ZFYVE9: variants seen among roughly 807,000 people sequenced by gnomAD.
ZFYVE9 encodes zinc finger FYVE-type containing 9, also known as zinc finger FYVE domain-containing protein 9.
In ZFYVE9, 43 loss-of-function variants were observed where a neutral mutation model predicts 126.7. The ratio of observed to expected loss-of-function variants is 0.34; its 90% CI spans 0.27 to 0.44. The LOEUF is 0.44. ZFYVE9 is among the 20% of genes least tolerant of loss of function. The pLI, the probability that ZFYVE9 is intolerant of heterozygous loss-of-function variation, is 1.00. For missense variants in ZFYVE9, 1,476 were observed against 1,697.0 expected (o/e 0.87, Z 2.29); for synonymous variants, 521 against 597.4 (o/e 0.87, Z 1.87).
chr1:52,229,035 C>T (rs1572116917), intron 2 of ZFYVE9, among the ~76,000 whole-genome samples: 1 of 151,936 alleles, frequency 6.6e-6, no homozygotes, highest in East Asian at 1.9e-4. Flanking sequence ...ACCACCACAC[C>T]TGGCTAATTT....
In ZFYVE9 at chr1:52,274,474, G is replaced by T. The variant is rs760877361; in HGVS notation, c.2636G>T (p.Cys879Phe). The T allele has an allele frequency of 6.2e-7, 1 of 1,608,438 alleles. No homozygotes were observed. The highest frequency in any genetic ancestry group is 8.5e-7 in the Non-Finnish European group (1 of 1,176,298). ...ATTTGCTTTTCCTAGACGGATATTT[G>T]TCTATTCTCTGGGAGTATAACTCAG... ...TSPLPAETDI[C>F]LFSGSITQVG... Residue 879 changes from cysteine (C) to phenylalanine (F), a missense_variant, in exon 8 of 19, where the codon TGT becomes TTT. By Grantham distance (205) the Cys-to-Phe change is radical. Around this residue, in one of 2 missense-constraint regions of ZFYVE9, gnomAD observed 669 missense variants for 902.4 expected, o/e 0.74. Transcript: ENST00000287727.
Position 52,303,901 on chromosome 1 carries a change from A to C in ZFYVE9, c.3414A>C (p.Lys1138Asn). The C allele has an allele frequency of 6.2e-7, 1 of 1,602,218 alleles. No homozygotes were observed. ...TGGAAGTTCGGAAAACTAGCATCAA[A>C]ATTCCCAGCAACAGATACAATGAGG... ...VDMEVRKTSI[K>N]IPSNRYNEMM... Residue 1138 changes from lysine (K) to asparagine (N), a missense_variant, in exon 13 of 19, where the codon AAA becomes AAC. Lys to Asn is a moderately conservative substitution (Grantham distance 94). Transcript: ENST00000287727.
intron 1 of ZFYVE9, among the ~76,000 whole-genome samples, chr1:52,201,117 A>T (rs1644919082): frequency 6.6e-6 from 1 of 152,208 alleles, no homozygotes; most frequent in Admixed American, 6.5e-5. Flanking sequence ...GTTCGTGAAC[A>T]TGGAATATCT....
chr1:52,329,690 G>A (rs1646322232), intron 13 of ZFYVE9, among the ~76,000 whole-genome samples: 1 of 151,696 alleles, frequency 6.6e-6, no homozygotes, highest in Admixed American at 6.6e-5. Flanking sequence ...CGGATCATGA[G>A]GTCAGGAGAT....
At chr1:52,325,469 G>A (rs1409369382) in intron 13 of ZFYVE9, among the ~76,000 whole-genome samples, 1 of 152,192 alleles carries the variant, frequency 6.6e-6, no homozygotes, top group Non-Finnish European at 1.5e-5. Flanking sequence ...GCAGTGAGCA[G>A]TGATCATGCC....
chr1:52,311,991 G>C (rs533938835), intron 13 of ZFYVE9, among the ~76,000 whole-genome samples: 20 of 150,702 alleles, frequency 1.3e-4, no homozygotes, highest in African/African-American at 4.6e-4. Flanking sequence ...GGGTTTTGCT[G>C]TGTTGGCCAG....
intron 1 of ZFYVE9, among the ~76,000 whole-genome samples, chr1:52,177,148 ATTT>A (rs35941523): frequency 2.3e-5 from 3 of 131,464 alleles, no homozygotes; most frequent in Admixed American, 7.7e-5. Flanking sequence ...CCCCAGCCCG[ATTT>A]TTTTTTTTTT....
At chr1:52,208,770 T>G (rs1428543794) in intron 1 of ZFYVE9, among the ~76,000 whole-genome samples, 1 of 152,186 alleles carries the variant, frequency 6.6e-6, no homozygotes, top group Non-Finnish European at 1.5e-5. Flanking sequence ...TGACCTCAGG[T>G]GATCCACCCG....
Position 52,256,005 on chromosome 1 carries a change from CTTCCTTCT to C in ZFYVE9, c.2179-7761_2179-7754del, listed in dbSNP as rs1247862200. On this transcript the variant is annotated intron_variant, in intron 4 of 18. Transcript: ENST00000287727. ...CTTTCCTTCCTTCCTTCCTTCCTTC[CTTCCTTCT>C]TTCCTTTCTTTCTTTCTGTCTTTCT... 2.1e-4 allele frequency among the ~76,000 whole-genome samples: 26 copies of C among 122,410 alleles called. 1 individual carries two copies. The highest frequency in any genetic ancestry group is 1.2e-3 in the Admixed American group (12 of 10,432). The allele number at this position is 122,410 out of a possible 152,430, so 80.3% of individuals were successfully genotyped here. A position where few individuals can be genotyped will look rare whatever the true frequency, so the allele number is the denominator to read the frequency against.
At chr1:52,281,867 T>A in intron 10 of ZFYVE9, 51 bp downstream of exon 10, 2 of 1,602,700 alleles carry the variant, frequency 1.2e-6, no homozygotes, top group South Asian at 1.1e-5. Flanking sequence ...GACAAAAAAA[T>A]TTTGAATTCA....
chr1:52,338,457 A>G (rs1233172361), intron 16 of ZFYVE9, among the ~76,000 whole-genome samples: 1 of 152,154 alleles, frequency 6.6e-6, no homozygotes, highest in East Asian at 1.9e-4. Context: ...GACATCTTTG[A>G]CACTTTTCTT....
At chr1:52,322,226 C>T (rs1646247250) in intron 13 of ZFYVE9, among the ~76,000 whole-genome samples, 1 of 152,146 alleles carries the variant, frequency 6.6e-6, no homozygotes, top group African/African-American at 2.4e-5. Context: ...TCTGCTGCCT[C>T]TACTTTCTAA....
chr1:52,346,304 A>T lies in ZFYVE9; in HGVS notation c.*83A>T. 3 of 1,021,840 alleles carry T rather than the reference A, an allele frequency of 2.9e-6. No homozygotes were observed. The highest frequency in any genetic ancestry group is 3.9e-6 in the Non-Finnish European group (3 of 764,330). 63.3% of individuals were successfully genotyped at this position (1,021,840 alleles called of 1,614,324 possible). A position where few individuals can be genotyped will look rare whatever the true frequency, so the allele number is the denominator to read the frequency against. On this transcript the variant is annotated 3_prime_UTR_variant, in exon 19 of 19. Transcript: ENST00000287727. Reference sequence around the variant, plus strand: ...ATCATTTGCACTTTAAAACTGGAAGATTAAGCTTTTGTTAACACTATTAAT... The same window carrying T: ...ATCATTTGCACTTTAAAACTGGAAGTTTAAGCTTTTGTTAACACTATTAAT...
intron 1 of ZFYVE9, among the ~76,000 whole-genome samples, chr1:52,149,344 A>T: frequency 6.6e-6 from 1 of 152,074 alleles, no homozygotes; most frequent in African/African-American, 2.4e-5. Flanking sequence ...GAAGGCTTTA[A>T]TACCTTGAAT....
chr1:52,326,288 TTAAGGTTGCTG>T (rs1234484253), intron 13 of ZFYVE9, among the ~76,000 whole-genome samples: 3 of 152,206 alleles, frequency 2.0e-5, no homozygotes, highest in Non-Finnish European at 4.4e-5. Flanking sequence ...GCTGCTGATT[TTAAGGTTGCTG>T]TAAGGTTCAG....
At chr1:52,247,511 T>C (rs887603107) in intron 4 of ZFYVE9, among the ~76,000 whole-genome samples, 2 of 152,120 alleles carry the variant, frequency 1.3e-5, no homozygotes, top group African/African-American at 2.4e-5. Context: ...TTTTGTTTTT[T>C]TTTGAGACGG....
At chr1:52,180,109 A>T in intron 1 of ZFYVE9, 1 of 961,290 alleles carries the variant, frequency 1.0e-6, no homozygotes, top group South Asian at 1.3e-5. Flanking sequence ...AATAAATTTG[A>T]AGAAGTTTTG....
At chr1:52,325,589 T>C (rs1646282940) in intron 13 of ZFYVE9, among the ~76,000 whole-genome samples, 1 of 152,164 alleles carries the variant, frequency 6.6e-6, no homozygotes, top group Non-Finnish European at 1.5e-5. Flanking sequence ...TACAAGTGAA[T>C]CAAGATTTAA....
At chr1:52,276,039 C>G (rs557697856) in intron 8 of ZFYVE9, among the ~76,000 whole-genome samples, 43 of 151,688 alleles carry the variant, frequency 2.8e-4, no homozygotes, top group African/African-American at 1.0e-3. Context: ...TCCTGAGTAG[C>G]TGGGACTACA....
Sources: gnomAD v4.1 joint callset for allele counts (sites outside exome capture counted in the v4.1 genomes callset) on GRCh38, gnomAD v4.1.1 for gene constraint, gnomAD v4.1.1 regional missense constraint, MANE v1.5 for transcripts, NCBI Gene and HGNC (gene_info 2026-07-23, HGNC 2026-07-21) for gene names.